Variants in STXBP4 observed in about 807,000 individuals in gnomAD.
STXBP4 encodes the protein syntaxin binding protein 4.
Under a neutral mutation model 76.1 loss-of-function variants are expected in STXBP4, and 55 were observed. That is an observed-to-expected ratio of 0.72 (90% CI 0.58 to 0.91). The LOEUF (loss-of-function observed/expected upper bound fraction) is 0.91. Ranked by LOEUF, STXBP4 falls within the 40% of genes least tolerant of loss-of-function variation. The pLI, the probability that STXBP4 is intolerant of heterozygous loss-of-function variation, is 0.00. For synonymous variants in STXBP4, 201 were observed against 220.2 expected (o/e 0.91, Z 0.77); for missense variants, 618 against 636.9 (o/e 0.97, Z 0.32).
chr17:55,197,543 G>A, the STXBP4 span, among the ~76,000 whole-genome samples: 3 of 152,126 alleles, frequency 2.0e-5, no homozygotes, highest in Non-Finnish European at 4.4e-5. Context: ...GTAGAACAAG[G>A]CCATCCTGGC....
At chr17:55,008,227 TA>T (rs2078044308) in intron 8 of STXBP4, among the ~76,000 whole-genome samples, 1 of 152,114 alleles carries the variant, frequency 6.6e-6, no homozygotes, top group Non-Finnish European at 1.5e-5. Flanking sequence ...TTTTTTGATG[TA>T]AAATGGATAT....
chr17:55,069,028 G>GT (rs2079088339), intron 12 of STXBP4, among the ~76,000 whole-genome samples: 1 of 151,692 alleles, frequency 6.6e-6, no homozygotes, highest in South Asian at 2.1e-4. Context: ...ATTTTCATTA[G>GT]TTCAGATTAC....
At chr17:55,006,003 A>G (rs2078000913) in intron 7 of STXBP4, among the ~76,000 whole-genome samples, 1 of 152,024 alleles carries the variant, frequency 6.6e-6, no homozygotes, top group African/African-American at 2.4e-5. Context: ...ATGTGTATAT[A>G]TGTATATATG....
At chr17:55,089,171 G>A (rs1278384629) in intron 16 of STXBP4, among the ~76,000 whole-genome samples, 1 of 152,176 alleles carries the variant, frequency 6.6e-6, no homozygotes, top group Non-Finnish European at 1.5e-5. Flanking sequence ...CTCTGGTAGG[G>A]TAAGATGTTC....
intron 16 of STXBP4, among the ~76,000 whole-genome samples, chr17:55,113,227 A>G (rs1157273940): frequency 2.7e-5 from 4 of 146,198 alleles, no homozygotes; most frequent in African/African-American, 1.1e-4. Flanking sequence ...CCACACACAC[A>G]CACACACACA....
chr17:54,982,948 T>C (rs1157175628), intron 1 of STXBP4, among the ~76,000 whole-genome samples: 7 of 152,190 alleles, frequency 4.6e-5, no homozygotes. Flanking sequence ...CAGCTTGGGT[T>C]TGGAGCAAGA....
chr17:55,129,412 C>T (rs1555587955), intron 16 of STXBP4, among the ~76,000 whole-genome samples: 1 of 151,436 alleles, frequency 6.6e-6, no homozygotes, highest in South Asian at 2.1e-4. Context: ...TTTATAATCC[C>T]ATGACAAAAA....
intron 12 of STXBP4, among the ~76,000 whole-genome samples, chr17:55,070,638 C>T (rs2144862890): frequency 6.6e-6 from 1 of 152,212 alleles, no homozygotes; most frequent in South Asian, 2.1e-4. Flanking sequence ...CAGAAGCCTT[C>T]AAGTCTTCTT....
intron 17 of STXBP4, among the ~76,000 whole-genome samples, chr17:55,156,235 T>C (rs1316157168): frequency 6.6e-6 from 1 of 152,192 alleles, no homozygotes; most frequent in Non-Finnish European, 1.5e-5. Context: ...CCATGGGGTC[T>C]TTATTAATTA....
chr17:55,155,485 TA>T (rs1340616502), intron 17 of STXBP4, among the ~76,000 whole-genome samples: 1 of 151,300 alleles, frequency 6.6e-6, no homozygotes, highest in Non-Finnish European at 1.5e-5. Flanking sequence ...CTGTTTTATA[TA>T]AATACTATAT....
At chr17:55,064,341 C>T (rs1160823061) in intron 12 of STXBP4, among the ~76,000 whole-genome samples, 1 of 152,022 alleles carries the variant, frequency 6.6e-6, no homozygotes. Context: ...GTCTGTGTCC[C>T]CTTCCCACCA....
chr17:55,041,704 TG>T (rs1434615349), intron 10 of STXBP4, among the ~76,000 whole-genome samples: 1 of 152,126 alleles, frequency 6.6e-6, no homozygotes, highest in African/African-American at 2.4e-5. Context: ...TGTAGTATGG[TG>T]AAATTACTGA....
chr17:55,134,503 C>T (rs1391612704), intron 16 of STXBP4, among the ~76,000 whole-genome samples: 1 of 151,948 alleles, frequency 6.6e-6, no homozygotes, highest in African/African-American at 2.4e-5. Context: ...TCATCCAAAA[C>T]AATTATATAT....
chr17:55,053,083 C>T lies in STXBP4; in HGVS notation c.1011+5929C>T, dbSNP rs565436476. ...TCTGACTCCAGACTGGATCCTCTAC[C>T]GGAATGGGAAAAATGCTATAAAGGA... On this transcript the variant is annotated intron_variant, in intron 12 of 17. Transcript: ENST00000376352. Among the ~76,000 whole-genome samples the T allele has an allele frequency of 3.2e-4, 49 of 151,500 alleles. 1 individual carries two copies. Among genetic ancestry groups the T allele is most frequent in the Middle Eastern group, 6.9e-3 (2 of 290 alleles).
intron 1 of STXBP4, among the ~76,000 whole-genome samples, chr17:54,970,488 T>G (rs541770728): frequency 6.6e-6 from 1 of 152,328 alleles, no homozygotes; most frequent in African/African-American, 2.4e-5. Flanking sequence ...CCTTCTGACT[T>G]CTTTCTATAC....
chr17:55,071,894 T>C (rs1224087977), intron 12 of STXBP4, among the ~76,000 whole-genome samples: 2 of 152,188 alleles, frequency 1.3e-5, no homozygotes, highest in African/African-American at 4.8e-5. Context: ...AAAAGAGATT[T>C]CTGCATCAAG....
chr17:55,020,958 G>A (rs1011873737), intron 8 of STXBP4, among the ~76,000 whole-genome samples: 2 of 152,060 alleles, frequency 1.3e-5, no homozygotes, highest in Non-Finnish European at 2.9e-5. Flanking sequence ...GGAACTACTG[G>A]AACTAAATTC....
chr17:55,197,418 G>A, the STXBP4 span, among the ~76,000 whole-genome samples: 1 of 152,332 alleles, frequency 6.6e-6, no homozygotes, highest in East Asian at 1.9e-4. Flanking sequence ...ACTAGACAAC[G>A]TACAGTGGAA....
At chr17:55,131,133 C>G (rs768013380) in intron 16 of STXBP4, among the ~76,000 whole-genome samples, 1 of 152,172 alleles carries the variant, frequency 6.6e-6, no homozygotes, top group Non-Finnish European at 1.5e-5. Flanking sequence ...ACATTCCCAC[C>G]AACAGTGTAC....
Sources: allele counts gnomAD v4.1 joint callset (sites outside exome capture counted in the v4.1 genomes callset), GRCh38; gene constraint gnomAD v4.1.1; transcripts MANE v1.5; gene names NCBI Gene and HGNC (gene_info 2026-07-23, HGNC 2026-07-21).